The following MYH8 variants were observed in gnomAD, a reference collection of about 807,000 sequenced individuals.
MYH8 encodes myosin heavy chain 8, also known as myosin-8.
Under a neutral mutation model 233.2 loss-of-function variants are expected in MYH8, and 168 were observed. The observed-to-expected ratio is 0.72, with a 90% confidence interval of 0.64 to 0.82. MYH8 has a LOEUF of 0.82. Among genes scored for constraint, MYH8 ranks in the 40% least tolerant of loss-of-function variants. MYH8 has a pLI of 0.00. For synonymous variants in MYH8, 785 were observed against 850.6 expected (o/e 0.92, Z 1.34); for missense variants, 1,995 against 2,327.8 (o/e 0.86, Z 2.94).
Position 10,396,432 on chromosome 17 carries a change from C to G in MYH8, c.4551G>C (p.Glu1517Asp). 1 of 1,614,070 alleles carries G rather than the reference C, an allele frequency of 6.2e-7. No homozygotes were observed. ...NLQQEISDLT[E>D]QIAEGGKQIH... ...TTTGCTTTCCTCCCTCTGCAATCTGCTCAGTGAGGTCAGAAATCTCCTCTG... is the reference window on the plus strand; with the variant it reads ...TTTGCTTTCCTCCCTCTGCAATCTGGTCAGTGAGGTCAGAAATCTCCTCTG... The change falls in exon 33 of 40, where the codon GAG (glutamate) becomes GAC (aspartate). Residue 1517 changes from glutamate (E) to aspartate (D), a missense_variant. Coordinates refer to ENST00000403437, the MANE Select transcript of MYH8 (RefSeq NM_002472.3). The surrounding 1 kb of genome is among the most constrained non-coding windows in gnomAD (Gnocchi z 4.2).
rs563940083 is a variant in MYH8, at chr17:10,415,564, C to T, written c.556G>A (p.Gly186Arg). 4.2e-5 allele frequency: 67 copies of T among 1,614,128 alleles called. 1 individual carries two copies. The South Asian group carries it at 4.9e-4, about 12-fold the overall frequency. ...SILITGESGA[G>R]KTVNTKRVIQ... ...ACACGCTTGGTGTTCACAGTCTTTC[C>T]GGCACCAGATTCTCCGCTGTCAAAC... The change falls in exon 7 of 40, where the codon GGA becomes AGA. Residue 186 changes from glycine to arginine, a missense_variant. By Grantham distance (125) the Gly-to-Arg change is moderately radical. Transcript: ENST00000403437. The surrounding 1 kb of genome is among the most constrained non-coding windows in gnomAD (Gnocchi z 4.1).
chr17:10,401,701 C>T lies in MYH8; in HGVS notation c.2773G>A (p.Val925Met), dbSNP rs757532571. The part of the protein sequence containing the change: ...KIQLEAKIKE[V>M]TERAEEEEEI... ...TCCTCCTCCTCAGCTCTTTCAGTCA[C>T]CTCTTTGATTTTGGCCTCAAGTTGG... The change falls in exon 23 of 40, where the codon GTG becomes ATG. Residue 925 changes from valine to methionine, a missense_variant. Physicochemically the swap from Val to Met is conservative, Grantham distance 21 (BLOSUM62 1). Coordinates refer to ENST00000403437, the MANE Select transcript of MYH8 (RefSeq NM_002472.3). 6 of 1,614,136 alleles carry T rather than the reference C, an allele frequency of 3.7e-6. No homozygotes were observed. Among genetic ancestry groups the T allele is most frequent in the South Asian group, 3.3e-5 (3 of 91,070 alleles).
chr17:10,410,036 G>A (rs1324016177), intron 15 of MYH8, among the ~76,000 whole-genome samples: 1 of 152,158 alleles, frequency 6.6e-6, no homozygotes, highest in Non-Finnish European at 1.5e-5. Flanking sequence ...GAGCACAGTG[G>A]CTCATGCCTG....
chr17:10,410,960 A>C lies in MYH8; in HGVS notation c.1417-13T>G. The C allele has an allele frequency of 6.2e-7, 1 of 1,614,134 alleles. No individual in the cohort carries two copies. The highest frequency in any genetic ancestry group is 2.2e-5 in the East Asian group (1 of 44,888). On this transcript the variant is annotated splice_polypyrimidine_tract_variant and intron_variant, in intron 14 of 39. Transcript: ENST00000403437. Reference sequence around the variant, plus strand: ...CCAGGCTGTTAAACTACACAAAATAATAGAGATTTCCAACATCAAATGAGT... The same window carrying C: ...CCAGGCTGTTAAACTACACAAAATACTAGAGATTTCCAACATCAAATGAGT...
chr17:10,412,247 T>C, intron 14 of MYH8, 123 bp downstream of exon 14: 1 of 1,584,536 alleles, frequency 6.3e-7, no homozygotes, highest in Admixed American at 1.7e-5. Flanking sequence ...GAGATAACCT[T>C]TGTTCTAGGT....
At chr17:10,402,154 G>A (rs998302342) in intron 22 of MYH8, among the ~76,000 whole-genome samples, 1 of 152,000 alleles carries the variant, frequency 6.6e-6, no homozygotes, top group African/African-American at 2.4e-5. Flanking sequence ...TCTCAATTTT[G>A]TGTATATATA....
intron 12 of MYH8, among the ~76,000 whole-genome samples, chr17:10,413,340 A>G (rs2072261289): frequency 6.6e-6 from 1 of 152,246 alleles, no homozygotes; most frequent in Admixed American, 6.5e-5. Flanking sequence ...TTAAGGAGCG[A>G]TAACTGTCTT....
Position 10,400,525 on chromosome 17 carries a change from T to C in MYH8, c.3600A>G (p.Ala1200=). 1 of 1,614,158 alleles carries C rather than the reference T, an allele frequency of 6.2e-7. No homozygotes were observed. Among genetic ancestry groups the C allele is most frequent in the Non-Finnish European group, 8.5e-7 (1 of 1,179,990 alleles). The change falls in exon 27 of 40, where the codon GCA becomes GCG. Residue 1200 remains alanine, a synonymous_variant. Coordinates refer to ENST00000403437, the MANE Select transcript of MYH8 (RefSeq NM_002472.3). This position sits in a 1 kb window ranked among gnomAD's most constrained non-coding sequence, Gnocchi z 4.0. ...GCTCCCCAAGCTCAGCCATACTGTC[T>C]GCGTGCTTCTTCCGAAGAGCAGCCA... The part of the protein sequence containing the change: ...AMVAALRKKH[A]DSMAELGEQI...
Position 10,420,014 on chromosome 17 carries a change from T to G in MYH8, c.210+4A>C. On this transcript the variant is annotated splice_donor_region_variant and intron_variant, in intron 3 of 39. Transcript: ENST00000403437. ...GGGAGTATTTTCTCCCTGTTTTCAC[T>G]TACTGCTCCACCTTCAGTCTTTACG... 3 of 1,613,772 alleles carry G rather than the reference T, an allele frequency of 1.9e-6. No homozygotes were observed. The highest frequency in any genetic ancestry group is 2.5e-6 in the Non-Finnish European group (3 of 1,179,690).
At chr17:10,405,143 C>T (rs2072181568) in intron 21 of MYH8, among the ~76,000 whole-genome samples, 1 of 152,108 alleles carries the variant, frequency 6.6e-6, no homozygotes, top group African/African-American at 2.4e-5. Context: ...ACTTTTTTTG[C>T]TAGCTTCTTC....
chr17:10,420,144 C>T lies in MYH8; in HGVS notation c.84G>A (p.Glu28=), dbSNP rs758157352. 2 of 1,614,092 alleles carry T rather than the reference C, an allele frequency of 1.2e-6. No homozygotes were observed. The highest frequency in any genetic ancestry group is 1.3e-5 in the African/African-American group (1 of 74,944). The part of the protein sequence containing the change: ...YLRKSEKERI[E]AQNKPFDAKT... ...TAGCATCAAACGGCTTGTTTTGGGC[C>T]TCAATCCGCTCCTTTTCTGATTTTC... The change falls in exon 3 of 40, where the codon GAG becomes GAA. Residue 28 remains glutamate (E), a synonymous_variant. Transcript: ENST00000403437.
At chr17:10,410,655 A>T (rs1419995498) in intron 15 of MYH8, 122 bp downstream of exon 15, 2 of 1,476,034 alleles carry the variant, frequency 1.4e-6, no homozygotes, top group South Asian at 2.3e-5. Context: ...ATTTCTAAAT[A>T]GTAATTTTCC....
At chr17:10,393,564 T>C (rs2142167872) in intron 35 of MYH8, among the ~76,000 whole-genome samples, 1 of 152,370 alleles carries the variant, frequency 6.6e-6, no homozygotes, top group African/African-American at 2.4e-5. Context: ...TGGCAGGCAC[T>C]GAGAGTTTCT....
intron 20 of MYH8, 28 bp from the exon 21 acceptor site, chr17:10,406,205 C>T (rs1239325466): frequency 6.2e-7 from 1 of 1,614,070 alleles, no homozygotes; most frequent in Non-Finnish European, 8.5e-7. Context: ...CACAAATCAT[C>T]TCCATACTGC....
chr17:10,417,701 C>T lies in MYH8; in HGVS notation c.511+944G>A, dbSNP rs1446230026. ...TATTAAAACCTCTGAAATGAGCCAGCGTTTGGATAATTTCTGGGAGGTAGT... is the reference window on the plus strand; with the variant it reads ...TATTAAAACCTCTGAAATGAGCCAGTGTTTGGATAATTTCTGGGAGGTAGT... On this transcript the variant is annotated intron_variant, in intron 5 of 39. Transcript: ENST00000403437. This position sits in a 1 kb window ranked among gnomAD's most constrained non-coding sequence, Gnocchi z 4.1. 1.3e-5 allele frequency among the ~76,000 whole-genome samples: 2 copies of T among 152,216 alleles called. No individual in the cohort carries two copies. The highest frequency in any genetic ancestry group is 3.4e-3 in the Middle Eastern group (1 of 294).
chr17:10,412,442 C>T lies in MYH8; in HGVS notation c.1344G>A (p.Gln448=). The T allele has an allele frequency of 1.2e-6, 2 of 1,614,254 alleles. No homozygotes were observed. The highest frequency in any genetic ancestry group is 2.2e-5 in the East Asian group (1 of 44,888). ...MFLWMVTRIN[Q]QLDTKQPRQY... ...GCCTGGGCTGCTTGGTGTCCAGCTG[C>T]TGGTTGATGCGGGTGACCATCCACA... The change falls in exon 14 of 40, where the codon CAG becomes CAA. Residue 448 remains glutamine (Q), a synonymous_variant. Transcript: ENST00000403437.
chr17:10,414,512 G>A, intron 9 of MYH8, 28 bp from the exon 10 acceptor site: 3 of 1,471,124 alleles, frequency 2.0e-6, no homozygotes, highest in Non-Finnish European at 2.9e-6. Context: ...TATCGAGTTT[G>A]AAAAAAGTAT....
chr17:10,411,710 T>C (rs895931020), intron 14 of MYH8, among the ~76,000 whole-genome samples: 3 of 152,218 alleles, frequency 2.0e-5, no homozygotes, highest in Non-Finnish European at 4.4e-5. Context: ...AAGGTCTTGG[T>C]GTATAAAGTG....
At chr17:10,394,200 A>G (rs1364447876) in intron 35 of MYH8, 49 bp downstream of exon 35, 1 of 1,610,116 alleles carries the variant, frequency 6.2e-7, no homozygotes, top group South Asian at 1.1e-5. Flanking sequence ...TATAATTCGA[A>G]TGCATCAGCT....
Sources: allele counts gnomAD v4.1 joint callset (sites outside exome capture counted in the v4.1 genomes callset), GRCh38; gene constraint gnomAD v4.1.1; non-coding constraint Gnocchi (gnomAD v3.1); transcripts MANE v1.5; gene names NCBI Gene and HGNC (gene_info 2026-07-23, HGNC 2026-07-21).